The following IQCM variants were observed in gnomAD, a reference collection of about 807,000 sequenced individuals.
The protein encoded by IQCM is IQ domain-containing protein M.
IQCM carries 45 observed loss-of-function variants against 57.6 expected under a neutral mutation model. That is an observed-to-expected ratio of 0.78 (90% confidence interval 0.62 to 1.00). IQCM has a LOEUF of 1.00. IQCM is among the 50% of genes least tolerant of loss of function. The pLI is 0.00. For missense variants in IQCM, 468 were observed against 511.6 expected (o/e 0.91, Z 0.82); for synonymous variants, 148 against 158.9 (o/e 0.93, Z 0.51).
intron 12 of IQCM, among the ~76,000 whole-genome samples, chr4:149,539,920 A>G (rs1181591912): frequency 6.6e-6 from 1 of 152,124 alleles, no homozygotes; most frequent in Non-Finnish European, 1.5e-5. Context: ...TAAATTGACT[A>G]ATAAGTGCCA....
chr4:149,546,332 C>T (rs1748424712), intron 12 of IQCM, among the ~76,000 whole-genome samples: 1 of 152,086 alleles, frequency 6.6e-6, no homozygotes, highest in Admixed American at 6.6e-5. Context: ...GGTATATATA[C>T]CCAGTAATGG....
chr4:149,369,009 C>T (rs1219915567), intron 13 of IQCM, among the ~76,000 whole-genome samples: 4 of 39,998 alleles, frequency 1.0e-4, no homozygotes, highest in East Asian at 1.4e-3. Flanking sequence ...TATATATATA[C>T]ACGTGTATAT....
At chr4:149,505,882 C>G (rs1044521038) in intron 12 of IQCM, among the ~76,000 whole-genome samples, 2 of 152,174 alleles carry the variant, frequency 1.3e-5, no homozygotes, top group African/African-American at 2.4e-5. Flanking sequence ...ACCCTGTACT[C>G]TGACACTGGC....
intron 12 of IQCM, among the ~76,000 whole-genome samples, chr4:149,485,979 T>A (rs1262836203): frequency 1.3e-5 from 2 of 151,048 alleles, no homozygotes; most frequent in Non-Finnish European, 2.9e-5. Context: ...AGGCAGAGAC[T>A]CTTGTTCACT....
At chr4:149,706,172 T>C (rs769205534) in intron 5 of IQCM, among the ~76,000 whole-genome samples, 1 of 152,010 alleles carries the variant, frequency 6.6e-6, no homozygotes, top group Admixed American at 6.6e-5. Context: ...ACTAGCTTTG[T>C]GGACTTCAGC....
intron 5 of IQCM, among the ~76,000 whole-genome samples, chr4:149,715,644 G>A (rs369288585): frequency 2.1e-4 from 32 of 152,270 alleles, no homozygotes; most frequent in Middle Eastern, 3.4e-3. Context: ...TGGTGGGTCC[G>A]GAGTTCTTGT....
At chr4:149,628,262 A>T (rs1010573885) in intron 7 of IQCM, among the ~76,000 whole-genome samples, 20 of 152,206 alleles carry the variant, frequency 1.3e-4, no homozygotes, top group African/African-American at 4.3e-4. Context: ...TCACTATATT[A>T]TAATAAGCCA....
intron 10 of IQCM, among the ~76,000 whole-genome samples, chr4:149,560,963 G>A (rs377070753): frequency 5.3e-5 from 8 of 152,194 alleles, no homozygotes; most frequent in African/African-American, 1.9e-4. Flanking sequence ...CCTTCACACA[G>A]GCACAGTCTA....
At chr4:149,624,584 G>A (rs7680440) in intron 7 of IQCM, among the ~76,000 whole-genome samples, 33,452 of 151,974 alleles carry the variant, frequency 0.22, 4,321 homozygotes, top group South Asian at 0.48. Context: ...CAGGGAATGA[G>A]AAACAAGGGA....
Position 149,652,551 on chromosome 4 carries a change from A to G in IQCM, c.565+29567T>C, listed in dbSNP as rs1194580229. On this transcript the variant is annotated intron_variant, in intron 7 of 13. Transcript: ENST00000636793. Reference sequence around the variant, plus strand: ...CCTCTATTAAAAGAACAAACCAACAAAAAGGATATAAAAGCTGAGGAGAGA... The same window carrying G: ...CCTCTATTAAAAGAACAAACCAACAGAAAGGATATAAAAGCTGAGGAGAGA... 4.6e-5 allele frequency among the ~76,000 whole-genome samples: 7 copies of G among 152,240 alleles called. No individual in the cohort carries two copies. The South Asian group carries it at 1.5e-3, about 32-fold the overall frequency.
rs536508116 is a variant in IQCM, at chr4:149,621,855, TC to T, written c.566-612del. ...TTTAAGATTTATTTGTCCATTTTTT[TC>T]CTCAGAGATATTAATCATTTAAAAA... On this transcript the variant is annotated intron_variant, in intron 7 of 13. Coordinates refer to ENST00000636793, the MANE Select transcript of IQCM (RefSeq NM_001363507.2). Among the ~76,000 whole-genome samples, 76 of 152,280 alleles carry T rather than the reference TC, an allele frequency of 5.0e-4. 1 individual carries two copies. In the South Asian group the frequency reaches 0.012, roughly 24 times the overall value.
At chr4:149,723,752 T>C (rs767369635) in intron 5 of IQCM, among the ~76,000 whole-genome samples, 5 of 152,024 alleles carry the variant, frequency 3.3e-5, no homozygotes, top group Non-Finnish European at 7.4e-5. Flanking sequence ...AGTTTTGTTG[T>C]TGTTGTTATT....
intron 13 of IQCM, among the ~76,000 whole-genome samples, chr4:149,358,844 C>CAGTAGATCATGATATACTCTCATG (rs1729208952): frequency 9.2e-6 from 1 of 108,112 alleles, no homozygotes; most frequent in African/African-American, 3.9e-5. Context: ...GCACAGTGGA[C>CAGTAGATCATGATATACTCTCATG]AGTATATCAT....
Position 149,680,979 on chromosome 4 carries a change from G to T in IQCM, c.565+1139C>A, listed in dbSNP as rs554278991. Among the ~76,000 whole-genome samples the T allele has an allele frequency of 3.0e-4, 45 of 151,416 alleles. No homozygotes were observed. The Middle Eastern group carries it at 0.014, about 46-fold the overall frequency. On this transcript the variant is annotated intron_variant, in intron 7 of 13. Coordinates refer to ENST00000636793, the MANE Select transcript of IQCM (RefSeq NM_001363507.2). ...GCCAAGTCCTTCAAAGAGCTAAAAA[G>T]TTCCTCTGCAAGATGATGACACAAC...
At chr4:149,563,987 GA>G (rs1750377275) in intron 9 of IQCM, 97 bp from the exon 10 acceptor site, 1 of 532,290 alleles carries the variant, frequency 1.9e-6, no homozygotes, top group Non-Finnish European at 2.9e-6. Context: ...ATTGAAATAG[GA>G]AATATATTAT....
intron 13 of IQCM, among the ~76,000 whole-genome samples, chr4:149,431,234 T>A (rs990886173): frequency 3.3e-5 from 5 of 151,876 alleles, no homozygotes; most frequent in Non-Finnish European, 7.4e-5. Context: ...AATAGATAAA[T>A]AAATGCAAAA....
intron 13 of IQCM, among the ~76,000 whole-genome samples, chr4:149,392,569 GT>G (rs1488910041): frequency 6.6e-6 from 1 of 151,844 alleles, no homozygotes; most frequent in Non-Finnish European, 1.5e-5. Flanking sequence ...CATAACCTAA[GT>G]TTTTCCCTCA....
chr4:149,650,785 G>A (rs1311925515), intron 7 of IQCM, among the ~76,000 whole-genome samples: 4 of 152,140 alleles, frequency 2.6e-5, no homozygotes, highest in African/African-American at 4.8e-5. Context: ...TTTTGCGGAA[G>A]TTTTAATACT....
At chr4:149,456,298 T>C (rs1211073895) in intron 12 of IQCM, among the ~76,000 whole-genome samples, 1 of 152,134 alleles carries the variant, frequency 6.6e-6, no homozygotes, top group Non-Finnish European at 1.5e-5. Context: ...GATAGGGACA[T>C]TCCTTTTCTT....
Sources: gnomAD v4.1 joint callset for allele counts (sites outside exome capture counted in the v4.1 genomes callset) on GRCh38, gnomAD v4.1.1 for gene constraint, MANE v1.5 for transcripts, NCBI Gene and HGNC (gene_info 2026-07-23, HGNC 2026-07-21) for gene names.